The following ARHGAP20 variants were observed in gnomAD, a reference collection of about 807,000 sequenced individuals.
The protein encoded by ARHGAP20 is rho GTPase-activating protein 20.
ARHGAP20 carries 34 observed loss-of-function variants against 73.7 expected under a neutral mutation model. The observed-to-expected ratio is 0.46, with a 90% CI of 0.35 to 0.61. ARHGAP20 has a LOEUF of 0.61. Ranked by LOEUF, ARHGAP20 falls within the 20% of genes least tolerant of loss-of-function variation. The pLI is 0.00. For missense variants in ARHGAP20, 1,314 were observed against 1,420.9 expected (o/e 0.92, Z 1.21); for synonymous variants, 523 against 518.2 (o/e 1.01, Z -0.13).
At chr11:110,591,884 AT>A (rs1947836664) in intron 10 of ARHGAP20, 92 bp downstream of exon 10, 2 of 1,332,986 alleles carry the variant, frequency 1.5e-6, no homozygotes, top group African/African-American at 2.9e-5. Flanking sequence ...AGTGGTGTCT[AT>A]AATTTTTCCA....
chr11:110,690,433 G>C (rs1402633920), intron 2 of ARHGAP20, 114 bp downstream of exon 2: 1 of 1,002,390 alleles, frequency 1.0e-6, no homozygotes, highest in East Asian at 2.4e-5. Context: ...CAGAATTCTG[G>C]TGCTGATAAC....
At chr11:110,634,563 G>A (rs1175696875) in intron 2 of ARHGAP20, among the ~76,000 whole-genome samples, 1 of 152,100 alleles carries the variant, frequency 6.6e-6, no homozygotes, top group African/African-American at 2.4e-5. Context: ...TGAGTTCAGT[G>A]GTTTAGGATT....
Position 110,577,368 on chromosome 11 carries a change from G to A in ARHGAP20, c.*2002C>T, listed in dbSNP as rs1364793310. 2 of 1,196,120 alleles carry A rather than the reference G, an allele frequency of 1.7e-6. No individual in the cohort carries two copies. The highest frequency in any genetic ancestry group is 4.5e-5 in the Admixed American group (1 of 22,422). 74.1% of individuals were successfully genotyped at this position (1,196,120 alleles called of 1,614,324 possible). A position where few individuals can be genotyped will look rare whatever the true frequency, so the allele number is the denominator to read the frequency against. On this transcript the variant is annotated 3_prime_UTR_variant, in exon 15 of 15. Transcript: ENST00000683387. ...ACTATTCACATTAAGAATTACAGGA[G>A]TATCTAAGGGAACACAGATAGTAGG...
At chr11:110,644,226 T>C (rs1227788009) in intron 2 of ARHGAP20, among the ~76,000 whole-genome samples, 1 of 152,180 alleles carries the variant, frequency 6.6e-6, no homozygotes, top group African/African-American at 2.4e-5. Context: ...ATGGCCATGC[T>C]GCCCAAAGCA....
At chr11:110,626,312 A>C (rs759138625) in intron 3 of ARHGAP20, among the ~76,000 whole-genome samples, 46 of 152,256 alleles carry the variant, frequency 3.0e-4, no homozygotes, top group Admixed American at 9.2e-4. Context: ...AGTCATCCCA[A>C]AGATCCTTTC....
chr11:110,625,800 A>T (rs1380243971), intron 3 of ARHGAP20, among the ~76,000 whole-genome samples: 3 of 152,206 alleles, frequency 2.0e-5, no homozygotes, highest in Non-Finnish European at 4.4e-5. Context: ...TGCTCAGGAA[A>T]ACATGGGTAC....
intron 1 of ARHGAP20, among the ~76,000 whole-genome samples, chr11:110,701,796 C>T (rs1347411561): frequency 3.3e-5 from 5 of 152,036 alleles, no homozygotes; most frequent in Admixed American, 2.0e-4. Flanking sequence ...CAGCTTTCTA[C>T]ATATGGCTAG....
At chr11:110,603,497 C>T (rs1041794894) in intron 9 of ARHGAP20, among the ~76,000 whole-genome samples, 1 of 152,146 alleles carries the variant, frequency 6.6e-6, no homozygotes, top group African/African-American at 2.4e-5. Context: ...TATCAAGCTG[C>T]TTTATATACT....
At chr11:110,590,185 C>A (rs1231113078) in intron 11 of ARHGAP20, among the ~76,000 whole-genome samples, 1 of 150,798 alleles carries the variant, frequency 6.6e-6, no homozygotes, top group Non-Finnish European at 1.5e-5. Flanking sequence ...TCAGTGATCT[C>A]AGCAATTTTT....
In ARHGAP20 at chr11:110,697,677, G is replaced by A. The variant is rs543945059; in HGVS notation, c.106-7048C>T. Among the ~76,000 whole-genome samples, 441 of 151,912 alleles carry A rather than the reference G, an allele frequency of 2.9e-3. 4 individuals are homozygous for A. Among genetic ancestry groups the A allele is most frequent in the African/African-American group, 1.0e-2 (413 of 41,498 alleles). On this transcript the variant is annotated intron_variant, in intron 1 of 14. Transcript: ENST00000683387. ...TTTTCCCAGCACAATTTATTGAATA[G>A]GATGTCCTTTCCCCATTGTTTATTT...
intron 2 of ARHGAP20, among the ~76,000 whole-genome samples, chr11:110,631,286 C>A (rs1427778709): frequency 5.9e-5 from 9 of 152,060 alleles, no homozygotes; most frequent in Admixed American, 5.9e-4. Flanking sequence ...GTAATCTAAG[C>A]CTCTAACAAG....
In ARHGAP20 at chr11:110,660,612, G is replaced by C. The variant is rs565681903; in HGVS notation, c.189-29820C>G. Among the ~76,000 whole-genome samples the C allele has an allele frequency of 4.6e-5, 7 of 152,188 alleles. No individual in the cohort carries two copies. In the East Asian group the frequency reaches 1.4e-3, roughly 29 times the overall value. ...ACCCTGCCTCCTATACCAAGACAGGGTATTCCCAGAAGTACAATCCCTAAG... is the reference window on the plus strand; with the variant it reads ...ACCCTGCCTCCTATACCAAGACAGGCTATTCCCAGAAGTACAATCCCTAAG... On this transcript the variant is annotated intron_variant, in intron 2 of 14. Coordinates refer to ENST00000683387, the MANE Select transcript of ARHGAP20 (RefSeq NM_001384657.1).
At position 110,580,957 on chromosome 11, in the gene ARHGAP20, T is replaced by A; in HGVS notation, c.1989A>T (p.Leu663Phe). ...RPLESKPVNILVYTKIPLRDH... is the reference protein window; with the variant it reads ...RPLESKPVNIFVYTKIPLRDH... ...CCCGCAGTGGGATCTTTGTGTACAC[T>A]AAAATGTTCACCGGCTTGGATTCAA... The change falls in exon 15 of 15, where the codon TTA becomes TTT. Residue 663 changes from leucine (L) to phenylalanine (F), a missense_variant. Leu to Phe is a conservative substitution (Grantham distance 22). Coordinates refer to ENST00000683387, the MANE Select transcript of ARHGAP20 (RefSeq NM_001384657.1). 1 of 1,614,208 alleles carries A rather than the reference T, an allele frequency of 6.2e-7. No individual in the cohort carries two copies. The highest frequency in any genetic ancestry group is 1.3e-5 in the African/African-American group (1 of 75,060).
At chr11:110,620,170 T>C (rs1010052339) in intron 4 of ARHGAP20, among the ~76,000 whole-genome samples, 3 of 152,064 alleles carry the variant, frequency 2.0e-5, no homozygotes, top group Admixed American at 6.6e-5. Context: ...TAGCTAAGAC[T>C]ACAGATGGGT....
chr11:110,683,168 A>G (rs1296451327), intron 2 of ARHGAP20, among the ~76,000 whole-genome samples: 2 of 152,156 alleles, frequency 1.3e-5, no homozygotes, highest in Non-Finnish European at 2.9e-5. Flanking sequence ...GCTGTTCACC[A>G]TATCAAAATA....
rs933782053 is a variant in ARHGAP20 at position 110,578,562 on chromosome 11, A to G, written c.*808T>C. On this transcript the variant is annotated 3_prime_UTR_variant, in exon 15 of 15. Transcript: ENST00000683387. ...GTCAGGAGGTCACCTTCTAAATAGA[A>G]GAAGTTGCATTTCTGAAGAATGTTC... The G allele has an allele frequency of 4.4e-5, 43 of 985,336 alleles. No individual in the cohort carries two copies. The highest frequency in any genetic ancestry group is 5.2e-5 in the Non-Finnish European group (43 of 829,936). 61.0% of individuals were successfully genotyped at this position (985,336 alleles called of 1,614,324 possible). A position where few individuals can be genotyped will look rare whatever the true frequency, so the allele number is the denominator to read the frequency against.
At chr11:110,704,917 T>C (rs183867886) in intron 1 of ARHGAP20, among the ~76,000 whole-genome samples, 50 of 152,290 alleles carry the variant, frequency 3.3e-4, no homozygotes, top group African/African-American at 1.0e-3. Flanking sequence ...TAAAACTCCA[T>C]TGAATCATAA....
rs977269042 is a variant in ARHGAP20 at position 110,581,184 on chromosome 11, A to G, written c.1762T>C (p.Leu588=). 5 of 1,613,988 alleles carry G rather than the reference A, an allele frequency of 3.1e-6. No homozygotes were observed. Among genetic ancestry groups the G allele is most frequent in the Non-Finnish European group, 4.2e-6 (5 of 1,180,010 alleles). The change falls in exon 15 of 15, where the codon TTG becomes CTG. Residue 588 remains leucine (L), a synonymous_variant. Transcript: ENST00000683387. ...ACATCCTCATTTAGCTCATTTTCCA[A>G]GCTGTCATAGGAGGAGTCATTCAGT... ...FQLNDSSYDS[L]ENELNEDVDA...
intron 2 of ARHGAP20, among the ~76,000 whole-genome samples, chr11:110,660,067 A>AAAAAAAAAC (rs1949571663): frequency 6.6e-6 from 1 of 150,958 alleles, no homozygotes. Flanking sequence ...AAAACAAAAA[A>AAAAAAAAAC]AAAAAAAAAA....
Sources: allele counts gnomAD v4.1 joint callset (sites outside exome capture counted in the v4.1 genomes callset), GRCh38; gene constraint gnomAD v4.1.1; transcripts MANE v1.5; gene names NCBI Gene and HGNC (gene_info 2026-07-23, HGNC 2026-07-21).